The following POC1B variants were observed in gnomAD, a reference collection of about 807,000 sequenced individuals.
The protein encoded by POC1B is POC1 centriolar protein B.
Under a neutral mutation model 60.6 loss-of-function variants are expected in POC1B, and 44 were observed. The ratio of observed to expected loss-of-function variants is 0.73; its 90% CI spans 0.57 to 0.93. The LOEUF (loss-of-function observed/expected upper bound fraction) is 0.93, where lower values mean the gene tolerates loss of function less well. Ranked by LOEUF, POC1B falls within the 40% of genes least tolerant of loss-of-function variation. The probability of loss-of-function intolerance (pLI) is 0.00; values close to 1 mark genes in which losing one functional copy is unlikely to be tolerated. For missense variants in POC1B, 555 were observed against 572.3 expected, an observed-to-expected ratio of 0.97 and a Z score of 0.31; for synonymous variants, 180 against 198.9, an observed-to-expected ratio of 0.90 and a Z score of 0.80.
At position 89,525,933 on chromosome 12, in the gene POC1B, G is replaced by T. The variant is rs1445637986; in HGVS notation, c.-38C>A. The T allele has an allele frequency of 1.2e-5, 18 of 1,529,502 alleles. No individual in the cohort carries two copies. Among genetic ancestry groups the T allele is most frequent in the Non-Finnish European group, 1.6e-5 (18 of 1,134,902 alleles). 94.7% of individuals were successfully genotyped at this position (1,529,502 alleles called of 1,614,324 possible). On this transcript the variant is annotated 5_prime_UTR_variant, in exon 1 of 12. Transcript: ENST00000313546. ...CGGCCCAAGGCTCCTGTGGGTGGGG[G>T]AACCCGGAGAGGGGAGGGGAGAGGA...
intron 9 of POC1B, among the ~76,000 whole-genome samples, chr12:89,462,764 C>T (rs970275818): frequency 1.3e-5 from 2 of 152,136 alleles, no homozygotes; most frequent in South Asian, 2.1e-4. Flanking sequence ...TAAGATTTAA[C>T]TAACATAGAC....
intron 4 of POC1B, 83 bp from the exon 5 acceptor site, chr12:89,472,358 G>T: frequency 1.1e-6 from 1 of 882,464 alleles, no homozygotes; most frequent in Non-Finnish European, 1.8e-6. Flanking sequence ...AATAAACCAG[G>T]CTGTAAATAT....
chr12:89,495,558 C>T (rs1210934417), intron 3 of POC1B, among the ~76,000 whole-genome samples: 3 of 152,110 alleles, frequency 2.0e-5, no homozygotes, highest in African/African-American at 7.2e-5. Flanking sequence ...TCACAGACTA[C>T]AAGTCAAATC....
the POC1B span, among the ~76,000 whole-genome samples, chr12:89,403,282 T>C: frequency 6.6e-6 from 1 of 152,176 alleles, no homozygotes; most frequent in African/African-American, 2.4e-5. Context: ...GATGGGATTA[T>C]AGGCGTGAGC....
intron 4 of POC1B, among the ~76,000 whole-genome samples, chr12:89,476,759 T>TAGATAGATAGATAGATAGAC (rs1485211003): frequency 2.4e-3 from 140 of 58,622 alleles, no homozygotes; most frequent in East Asian, 0.022. Context: ...GATAGATAGA[T>TAGATAGATAGATAGATAGAC]AGACAGACAG....
chr12:89,501,073 GCGGGGCCTCTGAAACAA>G, intron 2 of POC1B: 1 of 1,123,204 alleles, frequency 8.9e-7, no homozygotes. Flanking sequence ...ACCAAGAAAG[GCGGGGCCTCTGAAACAA>G]CGCACCATAT....
intron 2 of POC1B, chr12:89,524,808 C>A: frequency 1.6e-6 from 1 of 614,822 alleles, no homozygotes; most frequent in Non-Finnish European, 2.9e-6. Context: ...CCAGCCAACA[C>A]CCCACCCTCC....
chr12:89,506,022 G>A (rs1035006168), intron 2 of POC1B, among the ~76,000 whole-genome samples: 8 of 152,168 alleles, frequency 5.3e-5, no homozygotes, highest in African/African-American at 1.9e-4. Flanking sequence ...AATGAGATGA[G>A]AAAGACCAGA....
Position 89,500,415 on chromosome 12 carries a change from A to ACAGAT in POC1B, c.101-3078_101-3074dup, listed in dbSNP as rs757176824. 13 of 1,524,382 alleles carry ACAGAT rather than the reference A, an allele frequency of 8.5e-6. No homozygotes were observed. In the East Asian group the frequency reaches 1.1e-4, roughly 13 times the overall value. The allele number at this position is 1,524,382 out of a possible 1,614,324, so 94.4% of individuals were successfully genotyped here. On this transcript the variant is annotated intron_variant, in intron 2 of 11. Transcript: ENST00000313546. ...GTTGTAGAACCAAGTGAAGCCACCAACAGATCAGTTCAGGCCCATGAAGTT... is the reference window on the plus strand; with the variant it reads ...GTTGTAGAACCAAGTGAAGCCACCAACAGATCAGATCAGTTCAGGCCCATGAAGTT...
At chr12:89,480,595 ATTTT>A (rs765505677) in intron 4 of POC1B, among the ~76,000 whole-genome samples, 1 of 69,906 alleles carries the variant, frequency 1.4e-5, no homozygotes, top group Non-Finnish European at 2.6e-5. Flanking sequence ...TAATTTTTGT[ATTTT>A]TTTTTTTTTT....
chr12:89,421,393 CCCAG>C, intron 11 of POC1B, 136 bp from the exon 12 acceptor site: 1 of 638,578 alleles, frequency 1.6e-6, no homozygotes, highest in Non-Finnish European at 2.6e-6. Context: ...AAAAATGAGC[CCCAG>C]AACTTGCTGT....
intron 2 of POC1B, chr12:89,524,153 T>G (rs1565766053): frequency 5.0e-6 from 8 of 1,613,910 alleles, no homozygotes; most frequent in Non-Finnish European, 6.8e-6. Context: ...GTAGGAAGTG[T>G]CCTATAGTTG....
chr12:89,482,862 T>C (rs900871999), intron 4 of POC1B, among the ~76,000 whole-genome samples: 2 of 152,092 alleles, frequency 1.3e-5, no homozygotes, highest in East Asian at 3.9e-4. Flanking sequence ...TAATCCTCAC[T>C]TGTCATGGGA....
At chr12:89,509,723 C>T (rs1275669832) in intron 2 of POC1B, among the ~76,000 whole-genome samples, 2 of 152,166 alleles carry the variant, frequency 1.3e-5, no homozygotes, top group African/African-American at 4.8e-5. Context: ...TCTCTTTTCC[C>T]ACAATAAGAA....
At chr12:89,404,811 T>G in the POC1B span, among the ~76,000 whole-genome samples, 708 of 152,284 alleles carry the variant, frequency 4.6e-3, 7 homozygotes, top group African/African-American at 0.016. Context: ...CACAAGAAAC[T>G]AACTAATAGT....
chr12:89,454,341 T>A (rs1177898420), intron 10 of POC1B, among the ~76,000 whole-genome samples: 1 of 152,140 alleles, frequency 6.6e-6, no homozygotes, highest in Non-Finnish European at 1.5e-5. Flanking sequence ...TATCACCACC[T>A]CCTCTGCTAC....
At chr12:89,419,117 A>G (rs1880425356), downstream of POC1B, among the ~76,000 whole-genome samples, 1 of 151,946 alleles carries the variant, frequency 6.6e-6, no homozygotes, top group African/African-American at 2.4e-5. Context: ...TTATTGACAC[A>G]TGCAAGTCCA....
At chr12:89,522,670 A>C in intron 2 of POC1B, 1 of 1,112,144 alleles carries the variant, frequency 9.0e-7, no homozygotes, top group South Asian at 2.1e-5. Context: ...TGATATACCA[A>C]AATGAACCCC....
chr12:89,413,377 T>C, the POC1B span, among the ~76,000 whole-genome samples: 4 of 152,120 alleles, frequency 2.6e-5, no homozygotes, highest in Non-Finnish European at 5.9e-5. Flanking sequence ...TTTAAAATTT[T>C]GTGGAGATGG....
Sources: allele counts gnomAD v4.1 joint callset (sites outside exome capture counted in the v4.1 genomes callset), GRCh38; gene constraint gnomAD v4.1.1; transcripts MANE v1.5; gene names NCBI Gene and HGNC (gene_info 2026-07-23, HGNC 2026-07-21).